Variants in IQSEC1 observed in about 807,000 individuals in gnomAD.
The protein encoded by IQSEC1 is IQ motif and SEC7 domain-containing protein 1.
IQSEC1 carries 31 observed loss-of-function variants against 91.0 expected under a neutral mutation model. The observed-to-expected ratio is 0.34, with a 90% CI of 0.26 to 0.46. IQSEC1 has a LOEUF of 0.46. IQSEC1 is among the 20% of genes least tolerant of loss of function. The pLI is 1.00. For missense variants in IQSEC1, 1,388 were observed against 1,575.6 expected (o/e 0.88, Z 2.02); for synonymous variants, 699 against 662.6 (o/e 1.05, Z -0.84).
intron 2 of IQSEC1, among the ~76,000 whole-genome samples, chr3:13,106,683 A>G (rs1706157762): frequency 6.6e-6 from 1 of 152,214 alleles, no homozygotes; most frequent in Admixed American, 6.5e-5. Context: ...GCATGAATCA[A>G]TGAATGGGCA....
rs138099820 is a variant in IQSEC1 at position 13,011,850 on chromosome 3, C to T, written c.23+61142G>A. On this transcript the variant is annotated intron_variant, in intron 1 of 13. Coordinates refer to ENST00000613206, the MANE Select transcript of IQSEC1 (RefSeq NM_001134382.3). Reference sequence around the variant, plus strand: ...GAATATGGTGACTTCCCCATCTATCCCTGCCATGGGTAACATCCCAGCAGC... The same window carrying T: ...GAATATGGTGACTTCCCCATCTATCTCTGCCATGGGTAACATCCCAGCAGC... Among the ~76,000 whole-genome samples the T allele has an allele frequency of 2.4e-3, 367 of 152,328 alleles. 2 individuals are homozygous for T. The highest frequency in any genetic ancestry group is 7.9e-3 in the African/African-American group (330 of 41,566).
intron 1 of IQSEC1, among the ~76,000 whole-genome samples, chr3:13,178,304 G>T (rs1693775517): frequency 6.6e-6 from 1 of 152,214 alleles, no homozygotes; most frequent in East Asian, 1.9e-4. Flanking sequence ...TGGGGTCAAA[G>T]TCAATCAGCA....
chr3:13,136,385 A>T (rs772232116), intron 2 of IQSEC1, among the ~76,000 whole-genome samples: 4 of 152,228 alleles, frequency 2.6e-5, no homozygotes, highest in Non-Finnish European at 5.9e-5. Context: ...GCCGGGAATG[A>T]TCCCTTAAAC....
intron 1 of IQSEC1, among the ~76,000 whole-genome samples, chr3:12,955,142 A>G (rs1471424090): frequency 6.6e-6 from 1 of 152,246 alleles, no homozygotes; most frequent in African/African-American, 2.4e-5. Context: ...CCACTATGGA[A>G]ACTGTGAGTT....
At chr3:13,187,056 T>C (rs1693946410) in intron 1 of IQSEC1, among the ~76,000 whole-genome samples, 1 of 152,092 alleles carries the variant, frequency 6.6e-6, no homozygotes, top group African/African-American at 2.4e-5. Flanking sequence ...TCCTTCCTCC[T>C]TTCTATCCCT....
intron 2 of IQSEC1, among the ~76,000 whole-genome samples, chr3:13,137,744 G>A (rs574379311): frequency 6.6e-6 from 1 of 152,314 alleles, no homozygotes; most frequent in South Asian, 2.1e-4. Context: ...GATCGCTTGA[G>A]CGCAGGAGTT....
chr3:13,204,805 C>CTTTT (rs536785311), intron 1 of IQSEC1, among the ~76,000 whole-genome samples: 1 of 139,146 alleles, frequency 7.2e-6, no homozygotes, highest in African/African-American at 2.6e-5. Flanking sequence ...ATCTTTCTTT[C>CTTTT]TTTTTTTTTT....
At chr3:13,268,810 G>A (rs139219815) in intron 1 of IQSEC1, among the ~76,000 whole-genome samples, 163 of 152,234 alleles carry the variant, frequency 1.1e-3, no homozygotes, top group Middle Eastern at 3.4e-3. Flanking sequence ...AGTTTGGTAG[G>A]AGGGCTTCCA....
chr3:13,096,631 G>A (rs959297058), intron 2 of IQSEC1, among the ~76,000 whole-genome samples: 3 of 152,172 alleles, frequency 2.0e-5, no homozygotes, highest in East Asian at 3.8e-4. Context: ...CAGAGAGGAA[G>A]GAACATGAGC....
chr3:13,060,883 C>T (rs1462672594), intron 1 of IQSEC1, among the ~76,000 whole-genome samples: 5 of 152,038 alleles, frequency 3.3e-5, no homozygotes, highest in South Asian at 2.1e-4. Flanking sequence ...TATCCAGAGT[C>T]TAAATCCCAC....
chr3:13,152,371 C>G (rs575347985), intron 2 of IQSEC1, among the ~76,000 whole-genome samples: 7 of 152,334 alleles, frequency 4.6e-5, no homozygotes, highest in African/African-American at 1.7e-4. Context: ...GAATAAATAT[C>G]ATATTGCTTT....
intron 1 of IQSEC1, among the ~76,000 whole-genome samples, chr3:13,203,531 G>A (rs956142257): frequency 5.9e-5 from 9 of 152,204 alleles, no homozygotes; most frequent in African/African-American, 2.2e-4. Flanking sequence ...CCCGTGGCAG[G>A]AACAGGAGGT....
At chr3:12,966,141 G>C (rs553181608) in intron 1 of IQSEC1, among the ~76,000 whole-genome samples, 1 of 152,296 alleles carries the variant, frequency 6.6e-6, no homozygotes, top group South Asian at 2.1e-4. Context: ...CCCATGTCCA[G>C]ACTGCTGCCA....
At chr3:13,157,220 A>T (rs1216592155) in intron 2 of IQSEC1, among the ~76,000 whole-genome samples, 1 of 152,228 alleles carries the variant, frequency 6.6e-6, no homozygotes, top group African/African-American at 2.4e-5. Flanking sequence ...ATTTAGTCTA[A>T]TTCCCCATTA....
intron 1 of IQSEC1, among the ~76,000 whole-genome samples, chr3:13,009,801 A>G (rs973034383): frequency 2.6e-5 from 4 of 152,084 alleles, no homozygotes; most frequent in African/African-American, 9.7e-5. Context: ...CCACAGCTCT[A>G]TGTCTTAGGA....
At chr3:13,236,601 T>C (rs543147994) in intron 1 of IQSEC1, among the ~76,000 whole-genome samples, 2 of 152,290 alleles carry the variant, frequency 1.3e-5, no homozygotes, top group Admixed American at 1.3e-4. Flanking sequence ...CCCCTCTCAC[T>C]GAGCCAACCA....
At position 13,267,379 on chromosome 3, in the gene IQSEC1, A is replaced by G. The variant is rs375950225; in HGVS notation, c.272+15332T>C. The stretch of plus-strand genomic sequence containing the variant: ...AACAGCCGAGGACAGACCTGGTACC[A>G]GTTCAGTGGAGATAAAAGAAACTAC... On this transcript the variant is annotated intron_variant, in intron 1 of 15. Transcript: ENST00000648114. 2.4e-4 allele frequency among the ~76,000 whole-genome samples: 37 copies of G among 152,332 alleles called. 2 individuals are homozygous for G. The highest frequency in any genetic ancestry group is 1.3e-3 in the Admixed American group (20 of 15,306).
At chr3:12,913,734 C>T (rs925394240) in intron 8 of IQSEC1, among the ~76,000 whole-genome samples, 181 bp from the exon 9 acceptor site, 6 of 152,212 alleles carry the variant, frequency 3.9e-5, no homozygotes, top group Non-Finnish European at 8.8e-5. Flanking sequence ...GGCAGTTTCC[C>T]GTACTCTGTT....
At chr3:13,098,854 T>C (rs1706009901) in intron 2 of IQSEC1, among the ~76,000 whole-genome samples, 1 of 152,254 alleles carries the variant, frequency 6.6e-6, no homozygotes, top group Non-Finnish European at 1.5e-5. Flanking sequence ...ATGATGAAAA[T>C]GTCCTAAAAC....
Sources: gnomAD v4.1 joint callset for allele counts (sites outside exome capture counted in the v4.1 genomes callset) on GRCh38, gnomAD v4.1.1 for gene constraint, MANE v1.5 for transcripts, NCBI Gene and HGNC (gene_info 2026-07-23, HGNC 2026-07-21) for gene names.